The following PI4KA variants were observed in gnomAD, a reference collection of about 807,000 sequenced individuals.
The protein encoded by PI4KA is phosphatidylinositol 4-kinase alpha.
In PI4KA, 122 loss-of-function variants were observed where a neutral mutation model predicts 271.4. That is an observed-to-expected ratio of 0.45 (90% confidence interval 0.39 to 0.52). The LOEUF is 0.52. PI4KA is among the 20% of genes least tolerant of loss of function. PI4KA has a pLI of 0.00. For synonymous variants in PI4KA, 1,041 were observed against 1,078.8 expected, an observed-to-expected ratio of 0.96 and a Z score of 0.69; for missense variants, 1,969 against 2,769.1, an observed-to-expected ratio of 0.71 and a Z score of 6.48.
At chr22:20,838,793 G>T in intron 1 of PI4KA, 62 bp from the exon 2 acceptor site, 1 of 973,332 alleles carries the variant, frequency 1.0e-6, no homozygotes, top group Non-Finnish European at 1.7e-6. Flanking sequence ...TCAAAATAAA[G>T]CAAGCTGAGT....
chr22:20,778,489 G>A (rs1933482230), intron 19 of PI4KA, among the ~76,000 whole-genome samples: 1 of 152,072 alleles, frequency 6.6e-6, no homozygotes, highest in Non-Finnish European at 1.5e-5. Context: ...GGGTGACAGA[G>A]TGAGACTCCA....
intron 1 of PI4KA, among the ~76,000 whole-genome samples, chr22:20,855,004 T>G (rs1463375912): frequency 6.6e-6 from 1 of 151,920 alleles, no homozygotes; most frequent in African/African-American, 2.4e-5. Flanking sequence ...ATACAAAAAT[T>G]AGCTGGGTGT....
Position 20,838,625 on chromosome 22 carries a change from G to C in PI4KA, c.263C>G (p.Ser88Cys), listed in dbSNP as rs1207438136. ...VIALGIFLIE[S>C]DLQHKDCVVP... The stretch of plus-strand genomic sequence containing the variant: ...TTCATGAAGACTTACCTGAAGATCA[G>C]ATTCAATCAGAAAAATGCCCAATGC... The change falls in exon 2 of 55, where the codon TCT becomes TGT. Residue 88 changes from serine (S) to cysteine (C), a missense_variant. Transcript: ENST00000255882. The C allele has an allele frequency of 5.0e-6, 8 of 1,588,516 alleles. No individual in the cohort carries two copies. The highest frequency in any genetic ancestry group is 1.3e-5 in the African/African-American group (1 of 74,382).
chr22:20,793,587 C>T (rs560205472), intron 18 of PI4KA, among the ~76,000 whole-genome samples: 27 of 152,062 alleles, frequency 1.8e-4, no homozygotes, highest in African/African-American at 6.3e-4. Flanking sequence ...AAAAAAAAAT[C>T]AAGATTTAAG....
intron 29 of PI4KA, among the ~76,000 whole-genome samples, chr22:20,745,729 T>G (rs1303967892): frequency 1.3e-5 from 2 of 152,078 alleles, no homozygotes; most frequent in African/African-American, 4.8e-5. Context: ...CCTTGGGAAG[T>G]CAATGTCTCT....
chr22:20,832,305 T>C (rs933952563), intron 3 of PI4KA, among the ~76,000 whole-genome samples: 3 of 151,718 alleles, frequency 2.0e-5, no homozygotes, highest in Non-Finnish European at 4.4e-5. Flanking sequence ...TTGGTAAAGA[T>C]GGGGTTTCAT....
intron 3 of PI4KA, among the ~76,000 whole-genome samples, chr22:20,824,825 CT>C (rs1157463663): frequency 2.0e-5 from 3 of 151,318 alleles, no homozygotes; most frequent in African/African-American, 7.3e-5. Context: ...AATCCCAGCA[CT>C]TTTGGGGGGC....
chr22:20,842,420 T>C (rs1006424449), intron 1 of PI4KA, among the ~76,000 whole-genome samples: 3 of 152,152 alleles, frequency 2.0e-5, no homozygotes, highest in African/African-American at 7.2e-5. Flanking sequence ...TTATTTACAG[T>C]AGTAATAGGA....
intron 19 of PI4KA, chr22:20,786,034 G>A (rs764542875): frequency 6.2e-7 from 1 of 1,614,150 alleles, no homozygotes; most frequent in Non-Finnish European, 8.5e-7. Flanking sequence ...CGAAATTCAA[G>A]CTGGAGAAGA....
At position 20,802,018 on chromosome 22, in the gene PI4KA, G is replaced by C; in HGVS notation, c.1679C>G (p.Ser560Cys). 1 of 1,614,188 alleles carries C rather than the reference G, an allele frequency of 6.2e-7. No individual in the cohort carries two copies. The highest frequency in any genetic ancestry group is 1.1e-5 in the South Asian group (1 of 91,078). Reference protein sequence around the residue: ...NVMSGKKSQPSMYEQLRDIAI... With the variant: ...NVMSGKKSQPCMYEQLRDIAI... The stretch of plus-strand genomic sequence containing the variant: ...GATGTCTCGGAGCTGCTCGTACATG[G>C]AGGGCTGGCTCTTCTTACCCGACAT... Residue 560 changes from serine (S) to cysteine (C), a missense_variant, in exon 14 of 55, where the codon TCC (serine) becomes TGC (cysteine). This residue lies in a region of PI4KA where 228 missense variants were observed against 261.6 expected (regional missense o/e 0.87). Transcript: ENST00000255882.
intron 29 of PI4KA, among the ~76,000 whole-genome samples, chr22:20,746,661 G>A (rs953518173): frequency 2.6e-5 from 4 of 152,234 alleles, no homozygotes; most frequent in African/African-American, 7.2e-5. Flanking sequence ...TCAGGGCACT[G>A]ATACCTGGTG....
intron 18 of PI4KA, among the ~76,000 whole-genome samples, 174 bp downstream of exon 18, chr22:20,795,972 T>C (rs1934959387): frequency 6.6e-6 from 1 of 152,116 alleles, no homozygotes. Context: ...TCTCCCCTGA[T>C]CCCCACCAGC....
intron 1 of PI4KA, among the ~76,000 whole-genome samples, chr22:20,850,268 G>A (rs1034850622): frequency 6.6e-6 from 1 of 151,930 alleles, no homozygotes; most frequent in African/African-American, 2.4e-5. Flanking sequence ...CAGGCACGGT[G>A]GCTCGCCTGT....
At chr22:20,763,662 ACTACTGGCC>A in intron 22 of PI4KA, among the ~76,000 whole-genome samples, 1 of 152,258 alleles carries the variant, frequency 6.6e-6, no homozygotes, top group African/African-American at 2.4e-5. Flanking sequence ...CTGGTCTCGA[ACTACTGGCC>A]TCAGGTGATC....
chr22:20,788,697 G>C (rs541512017), intron 19 of PI4KA, among the ~76,000 whole-genome samples: 1 of 152,124 alleles, frequency 6.6e-6, no homozygotes, highest in Non-Finnish European at 1.5e-5. Context: ...CTGATGCTGC[G>C]GATGGCCCAC....
chr22:20,753,235 C>T (rs2147337505), intron 23 of PI4KA, 55 bp from the exon 24 acceptor site: 1 of 1,486,900 alleles, frequency 6.7e-7, no homozygotes, highest in East Asian at 2.3e-5. Context: ...AGAATCCTAG[C>T]AACTTTCAAT....
chr22:20,786,967 C>G lies in PI4KA; in HGVS notation c.2328+6226G>C, dbSNP rs1473511295. The G allele has an allele frequency of 4.3e-6, 7 of 1,614,210 alleles. No homozygotes were observed. The South Asian group carries it at 7.7e-5, about 18-fold the overall frequency. On this transcript the variant is annotated intron_variant, in intron 19 of 54. Coordinates refer to ENST00000255882, the MANE Select transcript of PI4KA (RefSeq NM_058004.4). Reference sequence around the variant, plus strand: ...GGTTCATGCCGCTGTCCACCCAAGTCCGCTTCACTGTCGACCGCCCCTTTC... The same window carrying G: ...GGTTCATGCCGCTGTCCACCCAAGTGCGCTTCACTGTCGACCGCCCCTTTC...
chr22:20,783,738 T>C (rs764227296), intron 19 of PI4KA, among the ~76,000 whole-genome samples: 28 of 152,266 alleles, frequency 1.8e-4, no homozygotes, highest in Non-Finnish European at 3.2e-4. Flanking sequence ...AAACAACTAG[T>C]TCGTATCAGA....
intron 3 of PI4KA, among the ~76,000 whole-genome samples, chr22:20,826,203 T>G (rs1255707455): frequency 2.0e-5 from 3 of 151,928 alleles, no homozygotes; most frequent in African/African-American, 7.3e-5. Flanking sequence ...ATTAGCCGGG[T>G]GTAGTGGCAC....
Sources: gnomAD v4.1 joint callset for allele counts (sites outside exome capture counted in the v4.1 genomes callset) on GRCh38, gnomAD v4.1.1 for gene constraint, gnomAD v4.1.1 regional missense constraint, MANE v1.5 for transcripts, NCBI Gene and HGNC (gene_info 2026-07-23, HGNC 2026-07-21) for gene names.